Variants in XPO6 observed in about 807,000 individuals in gnomAD.
The protein encoded by XPO6 is exportin-6.
In XPO6, 3 loss-of-function variants were observed where a neutral mutation model predicts 130.0. That is an observed-to-expected ratio of 0.02 (90% confidence interval 0.01 to 0.06). The LOEUF is 0.06. XPO6 is among the 10% of genes least tolerant of loss of function. The probability of loss-of-function intolerance (pLI) is 1.00; values close to 1 mark genes in which losing one functional copy is unlikely to be tolerated. For missense variants in XPO6, 970 were observed against 1,393.0 expected, an observed-to-expected ratio of 0.70 and a Z score of 4.83; for synonymous variants, 524 against 548.9, an observed-to-expected ratio of 0.95 and a Z score of 0.63.
In XPO6 at chr16:28,186,832, C is replaced by T. The variant is rs115677763; in HGVS notation, c.4-5801G>A. Among the ~76,000 whole-genome samples, 330 of 152,220 alleles carry T rather than the reference C, an allele frequency of 2.2e-3. 2 individuals carry two copies. The highest frequency in any genetic ancestry group is 7.4e-3 in the African/African-American group (308 of 41,526). ...AGACTATAGGCACATGCCATCACAC[C>T]GCTCCAATTATTCTAAACCTAGCTT... On this transcript the variant is annotated intron_variant, in intron 1 of 23. Transcript: ENST00000304658.
intron 1 of XPO6, among the ~76,000 whole-genome samples, chr16:28,202,004 T>A (rs960050048): frequency 2.6e-5 from 4 of 152,128 alleles, no homozygotes; most frequent in Non-Finnish European, 5.9e-5. Context: ...AGAGAGGTAA[T>A]GTTTATGGTA....
At chr16:28,102,468 A>C (rs557060552) in intron 21 of XPO6, among the ~76,000 whole-genome samples, 6 of 152,312 alleles carry the variant, frequency 3.9e-5, no homozygotes, top group African/African-American at 1.4e-4. Flanking sequence ...CCAGGCACAG[A>C]AGCTCAGTCC....
intron 17 of XPO6, 200 bp downstream of exon 17, chr16:28,111,617 G>T: frequency 1.9e-6 from 1 of 517,650 alleles, no homozygotes; most frequent in Non-Finnish European, 3.4e-6. Flanking sequence ...TTTGATTCTG[G>T]AAATAGGTCT....
intron 15 of XPO6, among the ~76,000 whole-genome samples, chr16:28,113,809 G>A (rs2086989503): frequency 6.6e-6 from 1 of 151,940 alleles, no homozygotes; most frequent in Non-Finnish European, 1.5e-5. Context: ...TTTTTTAAGG[G>A]AGGCAGCCTA....
intron 1 of XPO6, among the ~76,000 whole-genome samples, chr16:28,184,229 C>T (rs1051450072): frequency 6.6e-6 from 1 of 152,206 alleles, no homozygotes; most frequent in African/African-American, 2.4e-5. Flanking sequence ...ATCTCCTGCG[C>T]TGCATTAATT....
rs2043419984 is a variant in XPO6 at position 28,169,787 on chromosome 16, T to C, written c.528A>G (p.Leu176=). The C allele has an allele frequency of 6.2e-7, 1 of 1,614,056 alleles. No homozygotes were observed. The highest frequency in any genetic ancestry group is 8.5e-7 in the Non-Finnish European group (1 of 1,180,004). ...VARKEELRKL[L]LDQVQTVLGL... is the part of the protein sequence containing the mutation. ...CAAGCACTGTCTGCACCTGGTCCAG[T>C]AGCAGCTTCCGCAACTCCTCCTTCC... Residue 176 remains leucine (L), a synonymous_variant, in exon 5 of 24, where the codon CTA becomes CTG. Coordinates refer to ENST00000304658, the MANE Select transcript of XPO6 (RefSeq NM_015171.4).
intron 8 of XPO6, 29 bp downstream of exon 8, chr16:28,152,630 G>A: frequency 6.3e-7 from 1 of 1,591,478 alleles, no homozygotes; most frequent in South Asian, 1.2e-5. Context: ...CCTTTTCTCT[G>A]GAAGGGAAGG....
intron 13 of XPO6, among the ~76,000 whole-genome samples, chr16:28,121,997 T>C (rs946713296): frequency 2.0e-5 from 3 of 152,144 alleles, no homozygotes; most frequent in Non-Finnish European, 4.4e-5. Flanking sequence ...TTGAAAACAA[T>C]ATAAATATCC....
Position 28,152,480 on chromosome 16 carries a change from A to G in XPO6, c.1224+179T>C, listed in dbSNP as rs942162563. Reference sequence around the variant, plus strand: ...TCTCTTTACCTGCAAAACAGAGATGACAATGGTAATAGAACCTACTTCACA... The same window carrying G: ...TCTCTTTACCTGCAAAACAGAGATGGCAATGGTAATAGAACCTACTTCACA... On this transcript the variant is annotated intron_variant, in intron 8 of 23. Transcript: ENST00000304658. Among the ~76,000 whole-genome samples, 21 of 152,246 alleles carry G rather than the reference A, an allele frequency of 1.4e-4. 4 individuals are homozygous for G. Among genetic ancestry groups the G allele is most frequent in the Admixed American group, 1.2e-3 (18 of 15,286 alleles).
chr16:28,158,121 CA>C, intron 6 of XPO6, among the ~76,000 whole-genome samples: 1 of 152,286 alleles, frequency 6.6e-6, no homozygotes, highest in African/African-American at 2.4e-5. Flanking sequence ...AACAGAATGA[CA>C]GTTTTACTAT....
At chr16:28,162,284 GT>G (rs1171325459) in intron 6 of XPO6, among the ~76,000 whole-genome samples, 1 of 152,212 alleles carries the variant, frequency 6.6e-6, no homozygotes, top group Non-Finnish European at 1.5e-5. Context: ...AAATTTAAAT[GT>G]TTCAAGGTAT....
intron 21 of XPO6, among the ~76,000 whole-genome samples, chr16:28,102,641 G>A (rs1176052752): frequency 6.6e-6 from 1 of 152,164 alleles, no homozygotes; most frequent in East Asian, 1.9e-4. Context: ...GGGAGGCTGA[G>A]GCAGGAGAAT....
chr16:28,130,403 T>A (rs1336439123), intron 12 of XPO6, among the ~76,000 whole-genome samples: 6 of 152,226 alleles, frequency 3.9e-5, no homozygotes. Context: ...CTGCTGAGGG[T>A]CATGAGGCTG....
At chr16:28,118,645 C>T (rs1214671243) in intron 14 of XPO6, among the ~76,000 whole-genome samples, 3 of 152,206 alleles carry the variant, frequency 2.0e-5, no homozygotes, top group African/African-American at 4.8e-5. Flanking sequence ...GTGTGAGGCA[C>T]TGCACCGGCC....
At position 28,166,569 on chromosome 16, in the gene XPO6, G is replaced by A. The variant is rs748912556; in HGVS notation, c.582C>T (p.Val194=). 6.3e-7 allele frequency: 1 copy of A among 1,587,864 alleles called. No homozygotes were observed. Among genetic ancestry groups the A allele is most frequent in the East Asian group, 2.3e-5 (1 of 44,144 alleles). The change falls in exon 6 of 24, where the codon GTC becomes GTT. Residue 194 remains valine, a synonymous_variant. Transcript: ENST00000304658. The part of the protein sequence containing the change: ...LGLLTGILET[V]WDKHSVTAAT... ...CAGCAGTAACACTGTGTTTGTCCCA[G>A]ACAGTCTCCAAGATACCTACCAAGA...
At chr16:28,154,190 T>G in intron 7 of XPO6, 2 of 974,202 alleles carry the variant, frequency 2.1e-6, no homozygotes, top group Non-Finnish European at 2.4e-6. Flanking sequence ...TTTACATGGA[T>G]ATTCAAAGTC....
rs780931958 is a variant in XPO6 at position 28,101,993 on chromosome 16, T to C, written c.2947-48A>G. The stretch of plus-strand genomic sequence containing the variant: ...TATAAACTGCAAGACCAAGCACTTC[T>C]GGAGCATCTACCCCATGTCAGAAGA... On this transcript the variant is annotated intron_variant, in intron 21 of 23. Transcript: ENST00000304658. This position sits in a 1 kb window ranked among gnomAD's most constrained non-coding sequence, Gnocchi z 5.4. 6.1e-5 allele frequency: 92 copies of C among 1,508,670 alleles called. No homozygotes were observed. Among genetic ancestry groups the C allele is most frequent in the Non-Finnish European group, 7.9e-5 (86 of 1,090,610 alleles). 93.5% of individuals were successfully genotyped at this position (1,508,670 alleles called of 1,614,324 possible). A position where few individuals can be genotyped will look rare whatever the true frequency, so the allele number is the denominator to read the frequency against.
chr16:28,192,509 G>A (rs2043803549), intron 1 of XPO6, among the ~76,000 whole-genome samples: 1 of 152,118 alleles, frequency 6.6e-6, no homozygotes, highest in African/African-American at 2.4e-5. Context: ...TAGGGACAAA[G>A]AATGGTGCTA....
rs751674793 is a variant in XPO6 at position 28,101,704 on chromosome 16, C to T, written c.3046-16G>A. On this transcript the variant is annotated splice_polypyrimidine_tract_variant and intron_variant, in intron 22 of 23. Coordinates refer to ENST00000304658, the MANE Select transcript of XPO6 (RefSeq NM_015171.4). The surrounding 1 kb of genome is among the most constrained non-coding windows in gnomAD (Gnocchi z 5.4). ...GGAAGATCTTCTGCAGGCAGAGAGA[C>T]CAGGTGAGCAGCAGCCAGCCCCCAG... 1.2e-6 allele frequency: 2 copies of T among 1,600,746 alleles called. No individual in the cohort carries two copies. Among genetic ancestry groups the T allele is most frequent in the South Asian group, 2.2e-5 (2 of 89,776 alleles).
Sources: gnomAD v4.1 joint callset for allele counts (sites outside exome capture counted in the v4.1 genomes callset) on GRCh38, gnomAD v4.1.1 for gene constraint, Gnocchi (gnomAD v3.1) non-coding constraint, MANE v1.5 for transcripts, NCBI Gene and HGNC (gene_info 2026-07-23, HGNC 2026-07-21) for gene names.